Variants in CSMD3 observed in about 807,000 individuals in gnomAD.
CSMD3 encodes the protein CUB and sushi domain-containing protein 3.
In CSMD3, 177 loss-of-function variants were observed where a neutral mutation model predicts 435.2. That is an observed-to-expected ratio of 0.41 (90% CI 0.36 to 0.46). The LOEUF (loss-of-function observed/expected upper bound fraction) is 0.46, where lower values mean the gene tolerates loss of function less well. CSMD3 is among the 20% of genes least tolerant of loss of function. CSMD3 has a pLI of 0.34. For synonymous variants in CSMD3, 1,656 were observed against 1,520.5 expected (o/e 1.09, Z -2.07); for missense variants, 4,265 against 4,504.6 (o/e 0.95, Z 1.52).
At position 112,458,194 on chromosome 8, in the gene CSMD3, T is replaced by TAC. The variant is rs1317375602; in HGVS notation, c.5395+14395_5395+14396dup. Among the ~76,000 whole-genome samples, 257 of 95,032 alleles carry TAC rather than the reference T, an allele frequency of 2.7e-3. 4 individuals carry two copies. In the Middle Eastern group the frequency reaches 0.073, roughly 27 times the overall value. The allele number at this position is 95,032 out of a possible 152,430, so 62.3% of individuals were successfully genotyped here. ...GTAAAGACAGTCCCCTTCAAATACG[T>TAC]ACACACACACACACTCACACCCACA... On this transcript the variant is annotated intron_variant, in intron 32 of 70. Transcript: ENST00000297405.
chr8:112,815,151 G>A (rs1461445161), intron 12 of CSMD3, among the ~76,000 whole-genome samples: 1 of 151,870 alleles, frequency 6.6e-6, no homozygotes, highest in African/African-American at 2.4e-5. Flanking sequence ...TCAGAATGTG[G>A]GCCAATGCAG....
intron 31 of CSMD3, among the ~76,000 whole-genome samples, chr8:112,488,958 A>C (rs554818727): frequency 2.0e-5 from 3 of 152,296 alleles, no homozygotes; most frequent in African/African-American, 7.2e-5. Flanking sequence ...GCAGATGACC[A>C]TTGCTTTAAA....
At chr8:113,416,809 A>C (rs868401560) in intron 1 of CSMD3, among the ~76,000 whole-genome samples, 3 of 152,124 alleles carry the variant, frequency 2.0e-5, no homozygotes, top group Admixed American at 6.6e-5. Flanking sequence ...TCAGGTTAAA[A>C]AACATAACTA....
chr8:112,788,529 T>A (rs1047557535), intron 13 of CSMD3, among the ~76,000 whole-genome samples: 1 of 152,030 alleles, frequency 6.6e-6, no homozygotes, highest in African/African-American at 2.4e-5. Context: ...CTTATTATAG[T>A]CTCCAAAAAA....
chr8:112,288,769 A>G (rs1268292016), intron 57 of CSMD3, among the ~76,000 whole-genome samples: 5 of 152,116 alleles, frequency 3.3e-5, no homozygotes, highest in African/African-American at 7.2e-5. Context: ...TACTCTGTGA[A>G]CAAATTATTA....
chr8:113,063,113 T>C (rs2088689172), intron 5 of CSMD3, among the ~76,000 whole-genome samples: 1 of 151,554 alleles, frequency 6.6e-6, no homozygotes, highest in Admixed American at 6.6e-5. Context: ...CCTACAAATA[T>C]TTTACATTTG....
chr8:113,187,635 T>C (rs1423047671), intron 3 of CSMD3, among the ~76,000 whole-genome samples: 2 of 152,028 alleles, frequency 1.3e-5, no homozygotes, highest in African/African-American at 4.8e-5. Context: ...AGAAATGTGG[T>C]TGAGTTTTGC....
intron 9 of CSMD3, among the ~76,000 whole-genome samples, chr8:112,926,846 G>A (rs900956116): frequency 6.6e-6 from 1 of 152,034 alleles, no homozygotes; most frequent in Admixed American, 6.6e-5. Flanking sequence ...AAATTTGTCT[G>A]CACTTTTGTT....
At chr8:113,370,779 G>C (rs2094342160) in intron 1 of CSMD3, among the ~76,000 whole-genome samples, 1 of 151,736 alleles carries the variant, frequency 6.6e-6, no homozygotes, top group Non-Finnish European at 1.5e-5. Context: ...CATGTTTACT[G>C]AGCTATTCTC....
chr8:112,492,820 A>ATACAGAC, intron 30 of CSMD3, 137 bp from the exon 31 acceptor site: 1 of 735,762 alleles, frequency 1.4e-6, no homozygotes, highest in Non-Finnish European at 2.4e-6. Context: ...TACTGAATAT[A>ATACAGAC]TACAGACTTT....
intron 10 of CSMD3, among the ~76,000 whole-genome samples, chr8:112,889,247 A>T (rs971280647): frequency 6.6e-6 from 1 of 151,702 alleles, no homozygotes; most frequent in Non-Finnish European, 1.5e-5. Context: ...TTTAGAGAGC[A>T]ATGAGATATC....
chr8:112,361,572 CATATATATATAT>C (rs4030099), intron 38 of CSMD3, among the ~76,000 whole-genome samples: 5,486 of 107,180 alleles, frequency 0.051, 354 homozygotes, highest in Admixed American at 0.12. Flanking sequence ...TATACACATA[CATATATATATAT>C]ATATATATAT....
At chr8:113,296,766 A>G (rs1284300641) in intron 2 of CSMD3, among the ~76,000 whole-genome samples, 4 of 151,682 alleles carry the variant, frequency 2.6e-5, no homozygotes, top group African/African-American at 9.7e-5. Context: ...TGGTTAGAAA[A>G]CACACGATCT....
chr8:112,669,195 G>C (rs558047889), intron 16 of CSMD3, among the ~76,000 whole-genome samples: 7 of 151,756 alleles, frequency 4.6e-5, no homozygotes, highest in Admixed American at 1.3e-4. Context: ...ACCACACCCG[G>C]CTAATTTTTT....
intron 9 of CSMD3, among the ~76,000 whole-genome samples, chr8:112,934,608 C>T (rs538392199): frequency 6.6e-6 from 1 of 152,232 alleles, no homozygotes; most frequent in African/African-American, 2.4e-5. Context: ...AACATAAAAT[C>T]TGAGTCCAAG....
At chr8:112,332,486 T>C (rs1283560722) in intron 45 of CSMD3, among the ~76,000 whole-genome samples, 3 of 152,096 alleles carry the variant, frequency 2.0e-5, no homozygotes, top group African/African-American at 7.2e-5. Context: ...AACTGGATTA[T>C]AGGGTAGCTT....
intron 3 of CSMD3, among the ~76,000 whole-genome samples, chr8:113,267,115 T>A (rs1194339738): frequency 6.6e-6 from 1 of 151,738 alleles, no homozygotes; most frequent in African/African-American, 2.4e-5. Flanking sequence ...TGTGCAATGA[T>A]GTGGAGAAAT....
chr8:113,230,270 A>G (rs2093070744), intron 3 of CSMD3, among the ~76,000 whole-genome samples: 1 of 151,734 alleles, frequency 6.6e-6, no homozygotes, highest in Non-Finnish European at 1.5e-5. Flanking sequence ...AATTAGAATA[A>G]GTTTAACATC....
intron 35 of CSMD3, among the ~76,000 whole-genome samples, chr8:112,402,206 C>A (rs1359097711): frequency 2.0e-5 from 3 of 152,010 alleles, no homozygotes; most frequent in Non-Finnish European, 2.9e-5. Context: ...GTAAATTTTC[C>A]AGGATCTTAT....
Sources: allele counts gnomAD v4.1 joint callset (sites outside exome capture counted in the v4.1 genomes callset), GRCh38; gene constraint gnomAD v4.1.1; transcripts MANE v1.5; gene names NCBI Gene and HGNC (gene_info 2026-07-23, HGNC 2026-07-21).